Variants in POTEE observed in about 807,000 individuals in gnomAD.
The protein encoded by POTEE is POTE ankyrin domain family member E, also known as ANKRD26-like family C member 1A.
In POTEE, 21 loss-of-function variants were observed where a neutral mutation model predicts 74.2. The observed-to-expected ratio is 0.28, with a 90% CI of 0.20 to 0.41. POTEE has a LOEUF of 0.41. Ranked by LOEUF, POTEE falls within the 10% of genes least tolerant of loss-of-function variation. The pLI is 1.00. For missense variants in POTEE, 525 were observed against 1,158.6 expected (o/e 0.45, Z 7.94); for synonymous variants, 211 against 432.8 (o/e 0.49, Z 6.36).
At chr2:131,211,852 G>A (rs1031218767) in intron 2 of POTEE, among the ~76,000 whole-genome samples, 11 of 148,480 alleles carry the variant, frequency 7.4e-5, no homozygotes, top group African/African-American at 2.2e-4. Context: ...CACCACTCCC[G>A]GTCATTTTTT....
chr2:131,234,249 C>T (rs1397356412), intron 9 of POTEE, among the ~76,000 whole-genome samples: 555 of 145,706 alleles, frequency 3.8e-3, no homozygotes, highest in African/African-American at 0.015. Flanking sequence ...CAGAAAAGAG[C>T]GAGCAAGGAG....
At chr2:131,210,617 C>T (rs1700337416) in intron 1 of POTEE, among the ~76,000 whole-genome samples, 1 of 151,912 alleles carries the variant, frequency 6.6e-6, no homozygotes, top group African/African-American at 2.4e-5. Flanking sequence ...GCCTGCACCT[C>T]CCGCCCACAC....
intron 4 of POTEE, among the ~76,000 whole-genome samples, chr2:131,222,142 A>G (rs554142229): frequency 6.6e-6 from 1 of 152,306 alleles, no homozygotes; most frequent in South Asian, 2.1e-4. Context: ...CCTTTTGAAA[A>G]TTTATAAGTC....
chr2:131,212,514 A>G (rs868381905), intron 2 of POTEE, among the ~76,000 whole-genome samples: 125 of 133,218 alleles, frequency 9.4e-4, no homozygotes, highest in African/African-American at 3.5e-3. Context: ...TTATGAGATT[A>G]TTAAGTGAAC....
intron 4 of POTEE, among the ~76,000 whole-genome samples, chr2:131,222,616 G>C (rs1335136867): frequency 6.6e-6 from 1 of 152,032 alleles, no homozygotes; most frequent in African/African-American, 2.4e-5. Context: ...CGTTTTAAAA[G>C]GAGAAAATTT....
At position 131,265,118 on chromosome 2, in the gene POTEE, GTTTTA is replaced by G. The variant is rs1168153937; in HGVS notation, c.*440_*444del. 6.7e-6 allele frequency: 1 copy of G among 148,666 alleles called. No homozygotes were observed. The highest frequency in any genetic ancestry group is 2.8e-5 in the African/African-American group (1 of 36,026). 9.2% of individuals were successfully genotyped at this position (148,666 alleles called of 1,614,324 possible). On this transcript the variant is annotated 3_prime_UTR_variant, in exon 18 of 18. Coordinates refer to ENST00000683005, the MANE Select transcript of POTEE (RefSeq NM_001083538.3). ...CTTCGCCTTAATACTTTTTAATTTT[GTTTTA>G]TTTTGAATGATCAGCCTTCGTGGCC... is the stretch of plus-strand genomic sequence containing the variant.
chr2:131,224,262 A>G (rs1700717142), intron 6 of POTEE, among the ~76,000 whole-genome samples: 1 of 150,974 alleles, frequency 6.6e-6, no homozygotes, highest in Non-Finnish European at 1.5e-5. Flanking sequence ...TGTGGTAAAT[A>G]CTTTTTTTGA....
At chr2:131,260,083 TTC>T (rs1330627474) in intron 16 of POTEE, among the ~76,000 whole-genome samples, 1 of 127,622 alleles carries the variant, frequency 7.8e-6, no homozygotes, top group East Asian at 2.3e-4. Context: ...AACCTGTACT[TTC>T]TCCAGTGTAT....
At position 131,263,639 on chromosome 2, in the gene POTEE, G is replaced by T. The variant is rs1210596079; in HGVS notation, c.2184G>T (p.Arg728=). ...GCTTTGCGGGCGACGATGCCCCCCG[G>T]GCTGTCTTCCCTTCCATCGTGGGGC... ...KAGFAGDDAP[R]AVFPSIVGRP... is the part of the protein sequence containing the mutation. Residue 728 remains arginine (R), a synonymous_variant, in exon 18 of 18, where the codon CGG becomes CGT. Transcript: ENST00000683005. The T allele has an allele frequency of 6.3e-7, 1 of 1,586,084 alleles. No individual in the cohort carries two copies. Among genetic ancestry groups the T allele is most frequent in the African/African-American group, 1.3e-5 (1 of 74,194 alleles).
intron 9 of POTEE, among the ~76,000 whole-genome samples, chr2:131,232,965 G>C (rs1701011291): frequency 6.6e-6 from 1 of 151,914 alleles, no homozygotes. Context: ...CCCAAACCAG[G>C]CACTGGGAAG....
intron 10 of POTEE, among the ~76,000 whole-genome samples, 166 bp from the exon 11 acceptor site, chr2:131,238,028 A>G (rs1701196508): frequency 6.6e-6 from 1 of 151,250 alleles, no homozygotes; most frequent in African/African-American, 2.4e-5. Flanking sequence ...CTTAATTTTA[A>G]TTATTATTTA....
At chr2:131,226,510 T>TG (rs1381135006) in intron 6 of POTEE, among the ~76,000 whole-genome samples, 2 of 140,070 alleles carry the variant, frequency 1.4e-5, no homozygotes, top group Non-Finnish European at 3.0e-5. Flanking sequence ...AGCTTTTTGT[T>TG]TAGATGGGAA....
chr2:131,216,049 T>C (rs1353302804), intron 2 of POTEE, among the ~76,000 whole-genome samples: 2 of 152,088 alleles, frequency 1.3e-5, no homozygotes, highest in Non-Finnish European at 2.9e-5. Context: ...AATGACAAAC[T>C]GTTATCTGAA....
chr2:131,209,616 A>G lies in POTEE; in HGVS notation c.-548A>G, dbSNP rs947286345. Among the ~76,000 whole-genome samples the G allele has an allele frequency of 3.3e-4, 50 of 152,302 alleles. No individual in the cohort carries two copies. Among genetic ancestry groups the G allele is most frequent in the African/African-American group, 1.1e-3 (47 of 41,564 alleles). ...TGGCTGGAGCCTCGGACACTGGCTCACTGCAGTTGGTGGTGTCCACAGAGC... is the reference window on the plus strand; with the variant it reads ...TGGCTGGAGCCTCGGACACTGGCTCGCTGCAGTTGGTGGTGTCCACAGAGC... On this transcript the variant is annotated 5_prime_UTR_variant, in exon 1 of 18. Transcript: ENST00000683005.
At chr2:131,222,970 T>A (rs1332337697) in intron 4 of POTEE, among the ~76,000 whole-genome samples, 3 of 151,886 alleles carry the variant, frequency 2.0e-5, no homozygotes, top group African/African-American at 7.3e-5. Context: ...ATAAGAGAAT[T>A]ATTTAAATGC....
intron 4 of POTEE, among the ~76,000 whole-genome samples, chr2:131,219,699 C>A (rs186338141): frequency 6.6e-6 from 1 of 151,146 alleles, no homozygotes; most frequent in Non-Finnish European, 1.5e-5. Context: ...ATAGTGCCAC[C>A]GCACTCCAGC....
intron 6 of POTEE, among the ~76,000 whole-genome samples, chr2:131,224,615 G>T (rs1431241184): frequency 6.6e-6 from 1 of 151,756 alleles, no homozygotes; most frequent in East Asian, 1.9e-4. Flanking sequence ...TGAAGAGGTT[G>T]TGTGTGTGTG....
chr2:131,224,473 G>C (rs1700722364), intron 6 of POTEE, among the ~76,000 whole-genome samples: 1 of 144,350 alleles, frequency 6.9e-6, no homozygotes, highest in Non-Finnish European at 1.5e-5. Context: ...ATAGATACGA[G>C]GTGATGCGCC....
At chr2:131,230,311 T>C (rs1700910919) in intron 8 of POTEE, among the ~76,000 whole-genome samples, 1 of 152,204 alleles carries the variant, frequency 6.6e-6, no homozygotes, top group Admixed American at 6.5e-5. Flanking sequence ...TTAGAACCTA[T>C]GAACAAAATA....
Sources: gnomAD v4.1 joint callset for allele counts (sites outside exome capture counted in the v4.1 genomes callset) on GRCh38, gnomAD v4.1.1 for gene constraint, MANE v1.5 for transcripts, NCBI Gene and HGNC (gene_info 2026-07-23, HGNC 2026-07-21) for gene names.